The following SMIM35 variants were observed in gnomAD, a reference collection of about 807,000 sequenced individuals.
The protein encoded by SMIM35 is TMPRSS4 antisense RNA 1 (non-protein coding).
intron 1 of SMIM35, among the ~76,000 whole-genome samples, chr11:118,024,146 G>T (rs11216701): frequency 6.6e-6 from 1 of 152,232 alleles, no homozygotes; most frequent in East Asian, 1.9e-4. Context: ...AAATTTTGAT[G>T]AGATATGGCC....
chr11:118,041,948 G>A (rs1388571393), intron 1 of SMIM35, among the ~76,000 whole-genome samples: 2 of 151,722 alleles, frequency 1.3e-5, no homozygotes, highest in Non-Finnish European at 2.9e-5. Context: ...CTACTCGGGA[G>A]GCTGAAGCAG....
chr11:118,011,134 G>A (rs1435021111), intron 4 of SMIM35, among the ~76,000 whole-genome samples: 3 of 152,180 alleles, frequency 2.0e-5, no homozygotes, highest in Admixed American at 1.3e-4. Flanking sequence ...TGCGTCAGAG[G>A]GCCCTAAAAG....
At chr11:118,051,853 CTAATACT>C (rs1944220921) in intron 1 of SMIM35, among the ~76,000 whole-genome samples, 1 of 151,948 alleles carries the variant, frequency 6.6e-6, no homozygotes, top group African/African-American at 2.4e-5. Context: ...AATACTAATA[CTAATACT>C]AATACTATAC....
intron 1 of SMIM35, among the ~76,000 whole-genome samples, chr11:118,031,380 T>C (rs184276718): frequency 1.2e-4 from 19 of 152,254 alleles, no homozygotes; most frequent in African/African-American, 3.6e-4. Flanking sequence ...CTGATTTCAG[T>C]ACCAGCAGGG....
chr11:118,037,316 T>G (rs1202183860), intron 1 of SMIM35, among the ~76,000 whole-genome samples: 1 of 152,182 alleles, frequency 6.6e-6, no homozygotes, highest in Non-Finnish European at 1.5e-5. Flanking sequence ...GAAGAACCAT[T>G]TGTAGCTTTA....
chr11:118,079,925 C>T (rs942400199), intron 1 of SMIM35, among the ~76,000 whole-genome samples: 6 of 152,194 alleles, frequency 3.9e-5, no homozygotes, highest in African/African-American at 9.7e-5. Flanking sequence ...GCAAGACAGG[C>T]AAGGAGGGGC....
At chr11:118,049,643 C>G (rs932426857) in intron 1 of SMIM35, among the ~76,000 whole-genome samples, 2 of 152,126 alleles carry the variant, frequency 1.3e-5, no homozygotes, top group African/African-American at 4.8e-5. Flanking sequence ...GCCACCGCAC[C>G]TGGCCCATCC....
At chr11:118,006,938 C>G (rs1034323672) in intron 4 of SMIM35, among the ~76,000 whole-genome samples, 1 of 152,168 alleles carries the variant, frequency 6.6e-6, no homozygotes, top group African/African-American at 2.4e-5. Context: ...AACATGCATT[C>G]ACTCTTTGGG....
At chr11:118,078,089 T>G (rs1049019815) in intron 1 of SMIM35, among the ~76,000 whole-genome samples, 7 of 147,282 alleles carry the variant, frequency 4.8e-5, no homozygotes, top group African/African-American at 1.7e-4. Flanking sequence ...CCAAACAATC[T>G]AGGGTGTTTG....
chr11:118,006,945 T>C (rs555530321), intron 4 of SMIM35, among the ~76,000 whole-genome samples: 1 of 152,346 alleles, frequency 6.6e-6, no homozygotes, highest in East Asian at 1.9e-4. Flanking sequence ...ATTCACTCTT[T>C]GGGCAAACAT....
intron 1 of SMIM35, among the ~76,000 whole-genome samples, chr11:118,017,663 G>A (rs1237285282): frequency 1.3e-5 from 2 of 152,176 alleles, no homozygotes; most frequent in African/African-American, 4.8e-5. Context: ...AGGTGTATTA[G>A]TTTATTCTCA....
intron 1 of SMIM35, among the ~76,000 whole-genome samples, chr11:118,017,096 A>G (rs2058189043): frequency 6.6e-6 from 1 of 152,204 alleles, no homozygotes; most frequent in African/African-American, 2.4e-5. Context: ...AAGAATTCAC[A>G]GCATAGACAA....
At chr11:118,011,153 G>A (rs1163797996) in intron 4 of SMIM35, among the ~76,000 whole-genome samples, 2 of 152,170 alleles carry the variant, frequency 1.3e-5, no homozygotes, top group African/African-American at 4.8e-5. Context: ...AGAGGAAGTC[G>A]CCCAGTATCA....
chr11:118,046,826 G>C (rs907603862), intron 1 of SMIM35, among the ~76,000 whole-genome samples: 2 of 152,206 alleles, frequency 1.3e-5, no homozygotes. Context: ...ATTCATATGA[G>C]AGTCGGTATA....
At chr11:118,069,530 A>G (rs1352779171) in intron 1 of SMIM35, among the ~76,000 whole-genome samples, 1 of 152,170 alleles carries the variant, frequency 6.6e-6, no homozygotes, top group Non-Finnish European at 1.5e-5. Flanking sequence ...AGATATAAAT[A>G]AAGGAGAGAT....
chr11:118,062,950 CA>C (rs1322660551), intron 1 of SMIM35, among the ~76,000 whole-genome samples: 3 of 152,110 alleles, frequency 2.0e-5, no homozygotes, highest in East Asian at 1.9e-4. Context: ...AGGAGCTGGC[CA>C]AAACCCACCA....
rs529849648 is a variant in SMIM35 at position 118,073,921 on chromosome 11, GT to G, written c.7+12829del. 1.1e-4 allele frequency among the ~76,000 whole-genome samples: 16 copies of G among 152,324 alleles called. No individual in the cohort carries two copies. The East Asian group carries it at 3.1e-3, about 29-fold the overall frequency. The stretch of plus-strand genomic sequence containing the variant: ...AACCTCATAGAAAACAAACAACAAA[GT>G]TTTTTAAAGTGCTGCTGACACCTCT... On this transcript the variant is annotated intron_variant, in intron 1 of 4. Coordinates refer to ENST00000689828, the MANE Select transcript of SMIM35 (RefSeq NM_001394165.1).
At chr11:118,010,715 G>A (rs1018215078) in intron 4 of SMIM35, among the ~76,000 whole-genome samples, 3 of 152,188 alleles carry the variant, frequency 2.0e-5, no homozygotes, top group African/African-American at 4.8e-5. Context: ...GGGCTGCAGG[G>A]ACAAGAGGCC....
At chr11:118,077,148 G>A (rs940487099) in intron 1 of SMIM35, 1 of 798,164 alleles carries the variant, frequency 1.3e-6, no homozygotes, top group East Asian at 3.0e-5. Flanking sequence ...AGGGACCAAG[G>A]CCTGCCCTGC....
Sources: gnomAD v4.1 joint callset for allele counts (sites outside exome capture counted in the v4.1 genomes callset) on GRCh38, gnomAD v4.1.1 for gene constraint, MANE v1.5 for transcripts, NCBI Gene and HGNC (gene_info 2026-07-23, HGNC 2026-07-21) for gene names.